MDGA2: variants seen among roughly 807,000 people sequenced by gnomAD.
MDGA2 encodes the protein MAM domain-containing glycosylphosphatidylinositol anchor protein 2.
MDGA2 carries 40 observed loss-of-function variants against 117.8 expected under a neutral mutation model. That is an observed-to-expected ratio of 0.34 (90% CI 0.26 to 0.44). MDGA2 has a LOEUF of 0.44. MDGA2 is among the 20% of genes least tolerant of loss of function. MDGA2 has a pLI of 1.00. For synonymous variants in MDGA2, 452 were observed against 439.0 expected (o/e 1.03, Z -0.37); for missense variants, 1,123 against 1,250.6 (o/e 0.90, Z 1.54).
chr14:47,295,384 T>A (rs1422565036), intron 2 of MDGA2, among the ~76,000 whole-genome samples: 1 of 152,216 alleles, frequency 6.6e-6, no homozygotes, highest in Non-Finnish European at 1.5e-5. Context: ...AGAGTTCAAA[T>A]GTTCAGTATT....
At chr14:47,285,368 T>C (rs1888637888) in intron 2 of MDGA2, among the ~76,000 whole-genome samples, 1 of 152,170 alleles carries the variant, frequency 6.6e-6, no homozygotes, top group South Asian at 2.1e-4. Flanking sequence ...GCTTTCATCA[T>C]CTCTGTATTA....
At chr14:46,995,687 C>T (rs1200782701) in intron 8 of MDGA2, among the ~76,000 whole-genome samples, 2 of 151,432 alleles carry the variant, frequency 1.3e-5, no homozygotes, top group Non-Finnish European at 2.9e-5. Flanking sequence ...CTTCAATATA[C>T]TTTTATAAAT....
chr14:47,333,641 T>C (rs1890355699), intron 1 of MDGA2, among the ~76,000 whole-genome samples: 2 of 151,782 alleles, frequency 1.3e-5, no homozygotes, highest in Middle Eastern at 3.2e-3. Flanking sequence ...CTATCAACAA[T>C]AGGCCACACA....
At chr14:47,102,542 A>AT (rs1880398885) in intron 5 of MDGA2, among the ~76,000 whole-genome samples, 1 of 152,086 alleles carries the variant, frequency 6.6e-6, no homozygotes, top group South Asian at 2.1e-4. Flanking sequence ...CAGGAAACAT[A>AT]TTGAAGAAGC....
chr14:47,173,636 G>A (rs1421754719), intron 3 of MDGA2, among the ~76,000 whole-genome samples: 4 of 152,088 alleles, frequency 2.6e-5, no homozygotes, highest in Non-Finnish European at 4.4e-5. Flanking sequence ...CCCTAAAAGA[G>A]CTCCTGAAGG....
chr14:46,969,421 G>C lies in MDGA2; in HGVS notation c.1820-11778C>G, dbSNP rs190539272. Among the ~76,000 whole-genome samples the C allele has an allele frequency of 5.2e-3, 788 of 152,212 alleles. 6 individuals are homozygous for C. The highest frequency in any genetic ancestry group is 8.1e-3 in the Non-Finnish European group (553 of 68,016). On this transcript the variant is annotated intron_variant, in intron 8 of 16. Coordinates refer to ENST00000399232, the MANE Select transcript of MDGA2 (RefSeq NM_001113498.3). ...TCCTCTCCAGCACCTGTTGTTTCTT[G>C]ACTTTTTAATGATCACCATGCTAAC...
At chr14:47,258,493 A>C (rs1202948733) in intron 2 of MDGA2, among the ~76,000 whole-genome samples, 2 of 152,066 alleles carry the variant, frequency 1.3e-5, no homozygotes, top group African/African-American at 4.8e-5. Context: ...CCCCATGATC[A>C]AATCACTTCC....
At chr14:46,989,396 G>A (rs1223549628) in intron 8 of MDGA2, among the ~76,000 whole-genome samples, 1 of 151,966 alleles carries the variant, frequency 6.6e-6, no homozygotes, top group Non-Finnish European at 1.5e-5. Context: ...TCTCATCAGA[G>A]TGAACTCCAG....
chr14:47,514,450 G>A (rs568343981), intron 1 of MDGA2, among the ~76,000 whole-genome samples: 1 of 152,132 alleles, frequency 6.6e-6, no homozygotes, highest in East Asian at 1.9e-4. Flanking sequence ...GGAGAAGGAG[G>A]GGTATTTAGA....
rs1880016572 is a variant in MDGA2 at position 47,097,084 on chromosome 14, A to C, written c.965T>G (p.Val322Gly). 1 of 1,613,102 alleles carries C rather than the reference A, an allele frequency of 6.2e-7. No individual in the cohort carries two copies. The highest frequency in any genetic ancestry group is 1.1e-5 in the South Asian group (1 of 91,070). The change falls in exon 6 of 17, where the codon GTT becomes GGT. Residue 322 changes from valine (V) to glycine (G), a missense_variant. Coordinates refer to ENST00000399232, the MANE Select transcript of MDGA2 (RefSeq NM_001113498.3). The stretch of plus-strand genomic sequence containing the variant: ...TGTTATGGCCTCTCCAGGATTTACA[A>C]CTATAGGATCATCCACCAAGAGTTT... ...SIKLLVDDPIVVNPGEAITLV... is the reference protein window; with the variant it reads ...SIKLLVDDPIGVNPGEAITLV...
chr14:47,458,984 G>A (rs10150711), intron 1 of MDGA2, among the ~76,000 whole-genome samples: 100,553 of 149,572 alleles, frequency 0.67, 34,329 homozygotes, highest in East Asian at 0.98. Context: ...CCCTTCAATA[G>A]TTCTTTAACT....
At chr14:47,588,221 C>A (rs893319649) in intron 1 of MDGA2, among the ~76,000 whole-genome samples, 1 of 123,720 alleles carries the variant, frequency 8.1e-6, no homozygotes, top group Non-Finnish European at 1.7e-5. Context: ...ATTTTCAAAT[C>A]TCTTGGAGAT....
intron 1 of MDGA2, among the ~76,000 whole-genome samples, chr14:47,354,345 T>G (rs1357894667): frequency 6.6e-6 from 1 of 152,242 alleles, no homozygotes; most frequent in Non-Finnish European, 1.5e-5. Context: ...CACTGCACAT[T>G]GAGTTCTTGT....
chr14:47,143,462 T>C (rs1414601682), intron 4 of MDGA2, among the ~76,000 whole-genome samples: 1 of 152,174 alleles, frequency 6.6e-6, no homozygotes, highest in Non-Finnish European at 1.5e-5. Context: ...GACTTATTAA[T>C]TCCTTACTCT....
intron 1 of MDGA2, among the ~76,000 whole-genome samples, chr14:47,617,234 C>T (rs1896962818): frequency 6.6e-6 from 1 of 150,380 alleles, no homozygotes; most frequent in Admixed American, 6.6e-5. Context: ...GAGACGGAGG[C>T]TCGCTCTGTC....
At chr14:47,030,682 T>A (rs577325730) in intron 8 of MDGA2, among the ~76,000 whole-genome samples, 5 of 152,100 alleles carry the variant, frequency 3.3e-5, no homozygotes, top group Non-Finnish European at 7.4e-5. Context: ...TTCAAAAAAA[T>A]TGTATTATCA....
At position 47,039,158 on chromosome 14, in the gene MDGA2, T is replaced by A. The variant is rs192747292; in HGVS notation, c.1526-3854A>T. Among the ~76,000 whole-genome samples, 49 of 152,308 alleles carry A rather than the reference T, an allele frequency of 3.2e-4. 1 individual carries two copies. In the East Asian group the frequency reaches 9.5e-3, roughly 29 times the overall value. ...TGTTGAGAGATCTCATTTGTTCTCA[T>A]AGACTTCTGTTTTACGTGTTGATAA... On this transcript the variant is annotated intron_variant, in intron 7 of 16. Transcript: ENST00000399232.
At chr14:47,559,798 C>T (rs1455579296) in intron 1 of MDGA2, among the ~76,000 whole-genome samples, 1 of 152,046 alleles carries the variant, frequency 6.6e-6, no homozygotes, top group African/African-American at 2.4e-5. Context: ...GTCTCAAACT[C>T]CTGACCTCAG....
At chr14:46,958,093 C>T (rs922792940) in intron 8 of MDGA2, among the ~76,000 whole-genome samples, 17 of 152,092 alleles carry the variant, frequency 1.1e-4, no homozygotes, top group African/African-American at 4.1e-4. Flanking sequence ...AGCTAATTTA[C>T]AAAACTGTAT....
Sources: allele counts gnomAD v4.1 joint callset (sites outside exome capture counted in the v4.1 genomes callset), GRCh38; gene constraint gnomAD v4.1.1; transcripts MANE v1.5; gene names NCBI Gene and HGNC (gene_info 2026-07-23, HGNC 2026-07-21).